Variants in GABRB1 observed in about 807,000 individuals in gnomAD.
GABRB1 encodes gamma-aminobutyric acid type A receptor subunit beta1, also known as gamma-aminobutyric acid receptor subunit beta-1.
In GABRB1, 17 loss-of-function variants were observed where a neutral mutation model predicts 51.6. The observed-to-expected ratio is 0.33, with a 90% CI of 0.23 to 0.49. GABRB1 has a LOEUF of 0.49. Ranked by LOEUF, GABRB1 falls within the 20% of genes least tolerant of loss-of-function variation. GABRB1 has a pLI of 0.99. For synonymous variants in GABRB1, 247 were observed against 218.9 expected (o/e 1.13, Z -1.14); for missense variants, 410 against 600.6 (o/e 0.68, Z 3.32).
chr4:47,408,027 G>A (rs916086027), intron 8 of GABRB1, among the ~76,000 whole-genome samples: 1 of 152,194 alleles, frequency 6.6e-6, no homozygotes. Context: ...AGAAGGCAAA[G>A]GTTGCAGTGA....
At chr4:47,234,690 GA>G (rs1721262801) in intron 4 of GABRB1, among the ~76,000 whole-genome samples, 1 of 152,148 alleles carries the variant, frequency 6.6e-6, no homozygotes, top group East Asian at 1.9e-4. Context: ...TAGGGCGTTT[GA>G]AAAGGAAGAA....
At chr4:47,226,569 C>T (rs1720950314) in intron 4 of GABRB1, among the ~76,000 whole-genome samples, 1 of 152,054 alleles carries the variant, frequency 6.6e-6, no homozygotes, top group African/African-American at 2.4e-5. Flanking sequence ...TAGTTTATAC[C>T]TAGCCAAATC....
Position 47,379,565 on chromosome 4 carries a change from G to A in GABRB1, c.545-23753G>A, listed in dbSNP as rs148387968. ...TTTTACTATGATATTTTCAATTTATGATTGGTTTATTGGGACACAAACTCA... is the reference window on the plus strand; with the variant it reads ...TTTTACTATGATATTTTCAATTTATAATTGGTTTATTGGGACACAAACTCA... On this transcript the variant is annotated intron_variant, in intron 5 of 8. Coordinates refer to ENST00000295454, the MANE Select transcript of GABRB1 (RefSeq NM_000812.4). Among the ~76,000 whole-genome samples the A allele has an allele frequency of 3.2e-3, 484 of 152,262 alleles. 6 individuals carry two copies. The highest frequency in any genetic ancestry group is 0.011 in the African/African-American group (441 of 41,562).
chr4:47,048,120 A>G (rs1449964319), intron 3 of GABRB1, among the ~76,000 whole-genome samples: 3 of 152,156 alleles, frequency 2.0e-5, no homozygotes, highest in Admixed American at 2.0e-4. Flanking sequence ...TTTTTACTTT[A>G]TAAATTACAA....
chr4:47,224,900 T>C lies in GABRB1; in HGVS notation c.461+63431T>C, dbSNP rs1227373211. Among the ~76,000 whole-genome samples, 3 of 152,112 alleles carry C rather than the reference T, an allele frequency of 2.0e-5. No homozygotes were observed. The South Asian group carries it at 6.2e-4, about 32-fold the overall frequency. On this transcript the variant is annotated intron_variant, in intron 4 of 8. Transcript: ENST00000295454. ...TTTGTTGCTGTTGCTGTTGTTTTTG[T>C]TTTTTGTTTTTGAGACAGAGTTTCA...
intron 4 of GABRB1, among the ~76,000 whole-genome samples, chr4:47,244,036 T>A (rs1283406141): frequency 6.6e-6 from 1 of 152,196 alleles, no homozygotes; most frequent in African/African-American, 2.4e-5. Flanking sequence ...TAAATAGCTC[T>A]TATTATTTTG....
At chr4:47,245,932 A>C (rs1182158726) in intron 4 of GABRB1, among the ~76,000 whole-genome samples, 1 of 144,714 alleles carries the variant, frequency 6.9e-6, no homozygotes, top group Non-Finnish European at 1.5e-5. Context: ...CTTGTTTTCC[A>C]TAACTTATTG....
intron 3 of GABRB1, among the ~76,000 whole-genome samples, chr4:47,038,315 C>A (rs1377830911): frequency 6.6e-6 from 1 of 152,152 alleles, no homozygotes; most frequent in Non-Finnish European, 1.5e-5. Flanking sequence ...CCTCATCCAA[C>A]TTTTTCTTCC....
intron 3 of GABRB1, among the ~76,000 whole-genome samples, chr4:47,062,935 C>G (rs1191639391): frequency 6.6e-6 from 1 of 152,176 alleles, no homozygotes; most frequent in African/African-American, 2.4e-5. Context: ...TAACATCTAA[C>G]TAGCCTCTGA....
chr4:47,169,913 T>C (rs1410831235), intron 4 of GABRB1, among the ~76,000 whole-genome samples: 2 of 152,152 alleles, frequency 1.3e-5, no homozygotes, highest in Non-Finnish European at 2.9e-5. Context: ...GTTGTCTATG[T>C]ATGGTGATTT....
chr4:47,288,631 G>A (rs1723603964), intron 4 of GABRB1, among the ~76,000 whole-genome samples: 1 of 152,178 alleles, frequency 6.6e-6, no homozygotes, highest in Non-Finnish European at 1.5e-5. Flanking sequence ...CTATGACTGG[G>A]ATGTTTAGTG....
upstream of GABRB1, among the ~76,000 whole-genome samples, chr4:47,029,709 T>C (rs1725224682): frequency 6.6e-6 from 1 of 152,086 alleles, no homozygotes; most frequent in Non-Finnish European, 1.5e-5. Context: ...CTACCTGTAA[T>C]ATATTTTCAT....
At position 47,040,715 on chromosome 4, in the gene GABRB1, G is replaced by A. The variant is rs556388598; in HGVS notation, c.240+8231G>A. Among the ~76,000 whole-genome samples the A allele has an allele frequency of 1.4e-4, 21 of 152,268 alleles. No homozygotes were observed. The South Asian group carries it at 4.1e-3, about 30-fold the overall frequency. ...TCTTCCAAGTCTGTTCACAAATAAG[G>A]TGAGCTCTACAGAGATAGATCCTGA... On this transcript the variant is annotated intron_variant, in intron 3 of 8. Coordinates refer to ENST00000295454, the MANE Select transcript of GABRB1 (RefSeq NM_000812.4).
At chr4:47,300,698 C>G (rs1478607157) in intron 4 of GABRB1, among the ~76,000 whole-genome samples, 3 of 151,998 alleles carry the variant, frequency 2.0e-5, no homozygotes, top group Admixed American at 6.6e-5. Flanking sequence ...TATTTTGATA[C>G]AGGCACAAAG....
At chr4:47,159,549 TCA>T (rs1425800624) in intron 3 of GABRB1, among the ~76,000 whole-genome samples, 3 of 151,934 alleles carry the variant, frequency 2.0e-5, no homozygotes, top group Non-Finnish European at 4.4e-5. Flanking sequence ...GAAGGAGGTT[TCA>T]TATCTTTAGA....
rs191246228 is a variant in GABRB1 at position 47,376,864 on chromosome 4, A to G, written c.545-26454A>G. Among the ~76,000 whole-genome samples the G allele has an allele frequency of 2.8e-3, 429 of 152,360 alleles. 6 individuals carry two copies. Among genetic ancestry groups the G allele is most frequent in the African/African-American group, 9.4e-3 (391 of 41,596 alleles). On this transcript the variant is annotated intron_variant, in intron 5 of 8. Transcript: ENST00000295454. Reference sequence around the variant, plus strand: ...CAATATTTATTAATAGTAAGGATTTATTAGAATACAAACAAGACAGATGAG... The same window carrying G: ...CAATATTTATTAATAGTAAGGATTTGTTAGAATACAAACAAGACAGATGAG...
chr4:47,296,631 G>A (rs1724006166), intron 4 of GABRB1, among the ~76,000 whole-genome samples: 1 of 152,188 alleles, frequency 6.6e-6, no homozygotes, highest in Non-Finnish European at 1.5e-5. Flanking sequence ...GATGTACAAA[G>A]AGACTTAGAC....
intron 4 of GABRB1, among the ~76,000 whole-genome samples, chr4:47,169,742 T>TC (rs1238867529): frequency 5.9e-5 from 9 of 151,974 alleles, no homozygotes; most frequent in Non-Finnish European, 1.2e-4. Flanking sequence ...TCTCAGGTGA[T>TC]CCCCCCGCCT....
intron 3 of GABRB1, among the ~76,000 whole-genome samples, chr4:47,093,800 T>C (rs1273308008): frequency 6.6e-6 from 1 of 152,216 alleles, no homozygotes; most frequent in African/African-American, 2.4e-5. Context: ...GCAAAATCTC[T>C]CTTAAGATAC....
Sources: gnomAD v4.1 joint callset for allele counts (sites outside exome capture counted in the v4.1 genomes callset) on GRCh38, gnomAD v4.1.1 for gene constraint, MANE v1.5 for transcripts, NCBI Gene and HGNC (gene_info 2026-07-23, HGNC 2026-07-21) for gene names.